Variants in PDZRN3 observed in about 807,000 individuals in gnomAD.
PDZRN3 encodes E3 ubiquitin-protein ligase PDZRN3.
A neutral mutation model predicts 85.7 loss-of-function variants in PDZRN3; 38 were observed. The ratio of observed to expected loss-of-function variants is 0.44; its 90% confidence interval spans 0.34 to 0.58. The LOEUF (loss-of-function observed/expected upper bound fraction) is 0.58, where lower values mean the gene tolerates loss of function less well. Among genes scored for constraint, PDZRN3 ranks in the 20% least tolerant of loss-of-function variants. The pLI is 0.01. For missense variants in PDZRN3, 1,629 were observed against 1,506.4 expected (o/e 1.08, Z -1.35); for synonymous variants, 759 against 638.0 (o/e 1.19, Z -2.86).
chr3:73,395,906 T>C (rs1411852301), intron 5 of PDZRN3, among the ~76,000 whole-genome samples: 2 of 152,210 alleles, frequency 1.3e-5, no homozygotes, highest in Non-Finnish European at 2.9e-5. Context: ...GGAGCTTGTA[T>C]TCTAGTGGGG....
chr3:73,473,258 CTT>C (rs572063936), intron 3 of PDZRN3, among the ~76,000 whole-genome samples: 169 of 151,016 alleles, frequency 1.1e-3, no homozygotes, highest in African/African-American at 4.0e-3. Context: ...TTTTTTTTCT[CTT>C]TGTTTTAATG....
intron 3 of PDZRN3, among the ~76,000 whole-genome samples, chr3:73,426,586 C>G (rs1396997491): frequency 6.6e-6 from 1 of 152,194 alleles, no homozygotes; most frequent in African/African-American, 2.4e-5. Context: ...TGAGATGTGA[C>G]TTCTTTGCTG....
At chr3:73,611,504 T>C (rs1181352572) in intron 1 of PDZRN3, among the ~76,000 whole-genome samples, 1 of 152,250 alleles carries the variant, frequency 6.6e-6, no homozygotes, top group Non-Finnish European at 1.5e-5. Flanking sequence ...AGCATCTTGA[T>C]CTAGTCTACT....
chr3:73,416,876 GTTTTTTTTTTTTTT>G (rs146381615), intron 3 of PDZRN3, among the ~76,000 whole-genome samples: 8 of 110,400 alleles, frequency 7.2e-5, no homozygotes, highest in South Asian at 3.1e-4. Context: ...TTTTTTTTTG[GTTTTTTTTTTTTTT>G]TTTTTTTTTT....
At chr3:73,391,946 G>C (rs1413006454) in intron 5 of PDZRN3, among the ~76,000 whole-genome samples, 1 of 152,126 alleles carries the variant, frequency 6.6e-6, no homozygotes, top group Non-Finnish European at 1.5e-5. Context: ...CTAATTTTTA[G>C]TGTTATCTGC....
chr3:73,531,250 CAAAAAAAAAAAA>C (rs60520136), intron 3 of PDZRN3, among the ~76,000 whole-genome samples: 2 of 63,946 alleles, frequency 3.1e-5, no homozygotes, highest in African/African-American at 1.2e-4. Flanking sequence ...GACTTCGTCT[CAAAAAAAAAAAA>C]AAAAAAAAAA....
At chr3:73,417,783 A>C (rs999550703) in intron 3 of PDZRN3, among the ~76,000 whole-genome samples, 2 of 152,194 alleles carry the variant, frequency 1.3e-5, no homozygotes, top group African/African-American at 4.8e-5. Flanking sequence ...CTTCCATGCA[A>C]CCAGAGACAA....
At chr3:73,492,399 C>T (rs1703788500) in intron 3 of PDZRN3, among the ~76,000 whole-genome samples, 1 of 152,154 alleles carries the variant, frequency 6.6e-6, no homozygotes, top group African/African-American at 2.4e-5. Context: ...TGTCCTTTGC[C>T]TTCTTGGCCC....
rs188473134 is a variant in PDZRN3, at chr3:73,558,320, T to C, written c.918+44034A>G. On this transcript the variant is annotated intron_variant, in intron 3 of 9. Coordinates refer to ENST00000263666, the MANE Select transcript of PDZRN3 (RefSeq NM_015009.3). ...TGAATCTTAAATGTCCTAATTTTTG[T>C]ACAGTGTGATAAGTTTCTTCTAAGG... Among the ~76,000 whole-genome samples, 299 of 152,326 alleles carry C rather than the reference T, an allele frequency of 2.0e-3. 2 individuals carry two copies. The highest frequency in any genetic ancestry group is 6.9e-3 in the African/African-American group (286 of 41,576).
chr3:73,436,398 T>C (rs186481289), intron 3 of PDZRN3, among the ~76,000 whole-genome samples: 43 of 152,252 alleles, frequency 2.8e-4, no homozygotes, highest in African/African-American at 1.0e-3. Context: ...CACAGCACAA[T>C]TGGCAAGTAC....
chr3:73,443,265 C>T (rs1402281263), intron 3 of PDZRN3, among the ~76,000 whole-genome samples: 1 of 152,138 alleles, frequency 6.6e-6, no homozygotes, highest in Non-Finnish European at 1.5e-5. Context: ...CTTGCAGCCA[C>T]CCCAGGACAA....
At chr3:73,573,262 A>C (rs925392083) in intron 3 of PDZRN3, among the ~76,000 whole-genome samples, 6 of 152,192 alleles carry the variant, frequency 3.9e-5, no homozygotes, top group African/African-American at 1.4e-4. Context: ...GTATATATAA[A>C]GCACCCAGAA....
intron 3 of PDZRN3, among the ~76,000 whole-genome samples, chr3:73,489,719 C>A (rs1361243154): frequency 6.6e-6 from 1 of 151,794 alleles, no homozygotes; most frequent in Admixed American, 6.6e-5. Flanking sequence ...ATTACAGGTG[C>A]CCACCACCAT....
At chr3:73,598,032 T>C (rs569141196) in intron 3 of PDZRN3, among the ~76,000 whole-genome samples, 2 of 152,324 alleles carry the variant, frequency 1.3e-5, no homozygotes, top group African/African-American at 4.8e-5. Flanking sequence ...ATTGATCTTA[T>C]GTGATTTTTC....
At position 73,399,961 on chromosome 3, in the gene PDZRN3, G is replaced by A. The variant is rs1008440685; in HGVS notation, c.1254+961C>T. On this transcript the variant is annotated intron_variant, in intron 5 of 9. Coordinates refer to ENST00000263666, the MANE Select transcript of PDZRN3 (RefSeq NM_015009.3). ...TAACTTTAAGTTGAGGAACATAGCT[G>A]TTTTCTACTATTTGACTGCTTCTGT... is the stretch of plus-strand genomic sequence containing the variant. Among the ~76,000 whole-genome samples the A allele has an allele frequency of 1.3e-5, 2 of 152,278 alleles. 1 individual carries two copies. The highest frequency in any genetic ancestry group is 4.1e-4 in the South Asian group (2 of 4,824).
intron 3 of PDZRN3, among the ~76,000 whole-genome samples, chr3:73,471,114 G>T (rs2106885450): frequency 6.6e-6 from 1 of 152,242 alleles, no homozygotes; most frequent in East Asian, 1.9e-4. Flanking sequence ...GTCATTAAGG[G>T]TTGGCCCTAA....
chr3:73,480,368 C>A (rs1374557649), intron 3 of PDZRN3, among the ~76,000 whole-genome samples: 2 of 152,168 alleles, frequency 1.3e-5, no homozygotes, highest in African/African-American at 4.8e-5. Context: ...GAAATTCAAG[C>A]AGAATTCCTT....
At chr3:73,398,218 A>G (rs1052595368) in intron 5 of PDZRN3, among the ~76,000 whole-genome samples, 1 of 152,248 alleles carries the variant, frequency 6.6e-6, no homozygotes, top group Non-Finnish European at 1.5e-5. Flanking sequence ...CGAGGGGCTC[A>G]GTCGTTCCTA....
chr3:73,492,356 G>A (rs2106663089), intron 3 of PDZRN3, among the ~76,000 whole-genome samples: 2 of 152,276 alleles, frequency 1.3e-5, no homozygotes, highest in South Asian at 4.1e-4. Context: ...GTGTGCCTGT[G>A]AGCTCGCTAC....
Sources: allele counts gnomAD v4.1 joint callset (sites outside exome capture counted in the v4.1 genomes callset), GRCh38; gene constraint gnomAD v4.1.1; transcripts MANE v1.5; gene names NCBI Gene and HGNC (gene_info 2026-07-23, HGNC 2026-07-21).